BARX2: variants seen among roughly 807,000 people sequenced by gnomAD.
The protein encoded by BARX2 is homeobox protein BarH-like 2.
BARX2 carries 11 observed loss-of-function variants against 25.5 expected under a neutral mutation model. The observed-to-expected ratio is 0.43, with a 90% CI of 0.27 to 0.71. The LOEUF (loss-of-function observed/expected upper bound fraction) is 0.71. Ranked by LOEUF, BARX2 falls within the 30% of genes least tolerant of loss-of-function variation. The pLI is 0.19. For missense variants in BARX2, 360 were observed against 359.9 expected (o/e 1.00, Z 0.00); for synonymous variants, 137 against 149.5 (o/e 0.92, Z 0.61).
At chr11:129,421,076 A>C (rs769320159) in intron 1 of BARX2, among the ~76,000 whole-genome samples, 26 of 152,178 alleles carry the variant, frequency 1.7e-4, no homozygotes, top group Non-Finnish European at 2.2e-4. Flanking sequence ...GGCTCCGTGC[A>C]AGGGAAGAGA....
chr11:129,379,888 C>T (rs959009331), intron 1 of BARX2, among the ~76,000 whole-genome samples: 12 of 151,068 alleles, frequency 7.9e-5, no homozygotes, highest in South Asian at 2.1e-4. Flanking sequence ...TTACAGCCTG[C>T]GAATAGGATG....
chr11:129,399,911 C>T (rs1861759222), intron 1 of BARX2, among the ~76,000 whole-genome samples: 5 of 152,126 alleles, frequency 3.3e-5, no homozygotes, highest in Admixed American at 3.3e-4. Context: ...CACCCCAGAC[C>T]TGTTTTAGCT....
intron 3 of BARX2, among the ~76,000 whole-genome samples, chr11:129,444,613 G>C (rs11602655): frequency 6.6e-6 from 1 of 152,118 alleles, no homozygotes; most frequent in African/African-American, 2.4e-5. Flanking sequence ...GGTAGCTGCC[G>C]AGCATGTTAT....
chr11:129,385,850 C>T (rs1861612709), intron 1 of BARX2, among the ~76,000 whole-genome samples: 1 of 152,148 alleles, frequency 6.6e-6, no homozygotes, highest in Non-Finnish European at 1.5e-5. Context: ...CCGCACATGT[C>T]CACAGAACTC....
intron 3 of BARX2, 104 bp from the exon 4 acceptor site, chr11:129,451,032 G>T: frequency 7.0e-7 from 1 of 1,431,838 alleles, no homozygotes; most frequent in Non-Finnish European, 9.5e-7. Flanking sequence ...CAATTTCACT[G>T]CTGGAACAGA....
chr11:129,401,600 G>A (rs987123551), intron 1 of BARX2, among the ~76,000 whole-genome samples: 2 of 152,176 alleles, frequency 1.3e-5, no homozygotes, highest in Non-Finnish European at 2.9e-5. Flanking sequence ...CTGCAAGGTT[G>A]ATCCATTTGG....
Position 129,375,979 on chromosome 11 carries a change from A to C in BARX2, c.-57A>C. The C allele has an allele frequency of 9.2e-7, 1 of 1,084,842 alleles. No homozygotes were observed. Among genetic ancestry groups the C allele is most frequent in the Non-Finnish European group, 1.1e-6 (1 of 890,388 alleles). 67.2% of individuals were successfully genotyped at this position (1,084,842 alleles called of 1,614,324 possible). ...GCCGTCGCGCCAGCCCCGCGGCCCC[A>C]GCGGGCCGGGCACTCGCAGCCGCGC... On this transcript the variant is annotated 5_prime_UTR_variant, in exon 1 of 4. Transcript: ENST00000281437. This position sits in a 1 kb window ranked among gnomAD's most constrained non-coding sequence, Gnocchi z 4.0.
chr11:129,442,408 T>TGGGACC (rs1224911400), intron 2 of BARX2, among the ~76,000 whole-genome samples: 1 of 151,872 alleles, frequency 6.6e-6, no homozygotes, highest in African/African-American at 2.4e-5. Flanking sequence ...CTGCCGGAGG[T>TGGGACC]GGGACCGGGG....
intron 1 of BARX2, among the ~76,000 whole-genome samples, chr11:129,400,114 A>C (rs1245537778): frequency 6.6e-6 from 1 of 152,138 alleles, no homozygotes; most frequent in Non-Finnish European, 1.5e-5. Context: ...GAGCACCTTC[A>C]TTTGGGAGAG....
At chr11:129,421,293 G>A (rs1464660686) in intron 1 of BARX2, among the ~76,000 whole-genome samples, 1 of 152,098 alleles carries the variant, frequency 6.6e-6, no homozygotes, top group Non-Finnish European at 1.5e-5. Context: ...CAACTGTTTG[G>A]GGATGCACTG....
intron 3 of BARX2, among the ~76,000 whole-genome samples, chr11:129,446,038 T>C (rs1862324072): frequency 1.3e-5 from 2 of 152,206 alleles, no homozygotes; most frequent in Non-Finnish European, 2.9e-5. Flanking sequence ...AGAACCGAGA[T>C]AGCATCTCTG....
In BARX2 at chr11:129,451,370, A is replaced by G. The variant is rs568260616; in HGVS notation, c.808A>G (p.Ile270Val). The G allele has an allele frequency of 1.0e-4, 167 of 1,614,060 alleles. 1 individual carries two copies. Among genetic ancestry groups the G allele is most frequent in the South Asian group, 7.5e-4 (68 of 91,078 alleles). Reference sequence around the variant, plus strand: ...ACCAGACCCGCCCCAGGAGTTGCCAATACCCTCTTCGGAACCCCCACCATT... The same window carrying G: ...ACCAGACCCGCCCCAGGAGTTGCCAGTACCCTCTTCGGAACCCCCACCATT... ...EPPDPPQELP[I>V]PSSEPPPLS is the part of the protein sequence containing the mutation. The change falls in exon 4 of 4, where the codon ATA becomes GTA. Residue 270 changes from isoleucine (I) to valine (V), a missense_variant. Physicochemically the swap from Ile to Val is conservative, Grantham distance 29. Coordinates refer to ENST00000281437, the MANE Select transcript of BARX2 (RefSeq NM_003658.5).
intron 1 of BARX2, among the ~76,000 whole-genome samples, chr11:129,382,949 T>C (rs1861583189): frequency 6.6e-6 from 1 of 152,200 alleles, no homozygotes; most frequent in Admixed American, 6.5e-5. Context: ...ACCTTGGGCC[T>C]GCCTGTCGGT....
rs539448450 is a variant in BARX2 at position 129,402,096 on chromosome 11, T to C, written c.187+25874T>C. 2.0e-5 allele frequency among the ~76,000 whole-genome samples: 3 copies of C among 150,120 alleles called. No individual in the cohort carries two copies. The East Asian group carries it at 6.0e-4, about 30-fold the overall frequency. On this transcript the variant is annotated intron_variant, in intron 1 of 3. Coordinates refer to ENST00000281437, the MANE Select transcript of BARX2 (RefSeq NM_003658.5). ...ATAGAAGTGTATGAACAAATATAAA[T>C]CATCGTAGTGTATGGGATGAGGTGA... is the stretch of plus-strand genomic sequence containing the variant.
intron 1 of BARX2, among the ~76,000 whole-genome samples, chr11:129,435,112 T>G (rs1039224372): frequency 9.2e-5 from 14 of 152,230 alleles, no homozygotes; most frequent in Non-Finnish European, 2.1e-4. Context: ...CCAACTTCTT[T>G]TCCAAGAAGT....
chr11:129,428,766 A>T (rs1050734736), intron 1 of BARX2, among the ~76,000 whole-genome samples: 20 of 152,170 alleles, frequency 1.3e-4, no homozygotes, highest in Non-Finnish European at 2.6e-4. Flanking sequence ...AGCTCAAGAC[A>T]GTGCCTCATT....
At chr11:129,412,347 G>A (rs1008230761) in intron 1 of BARX2, among the ~76,000 whole-genome samples, 1 of 152,122 alleles carries the variant, frequency 6.6e-6, no homozygotes, top group Non-Finnish European at 1.5e-5. Context: ...AGTTACTTTG[G>A]TACTTGGAAT....
intron 1 of BARX2, among the ~76,000 whole-genome samples, chr11:129,380,954 T>A (rs918894448): frequency 2.6e-5 from 4 of 152,112 alleles, no homozygotes; most frequent in African/African-American, 9.7e-5. Context: ...TTTTTGTATT[T>A]TTAGTAGAGA....
intron 1 of BARX2, among the ~76,000 whole-genome samples, chr11:129,429,718 T>C (rs934805872): frequency 5.3e-5 from 8 of 152,146 alleles, no homozygotes; most frequent in African/African-American, 1.9e-4. Context: ...AATCTGGGAA[T>C]AGACCCATGT....
Sources: allele counts gnomAD v4.1 joint callset (sites outside exome capture counted in the v4.1 genomes callset), GRCh38; gene constraint gnomAD v4.1.1; non-coding constraint Gnocchi (gnomAD v3.1); transcripts MANE v1.5; gene names NCBI Gene and HGNC (gene_info 2026-07-23, HGNC 2026-07-21).